COL4A2: variants seen among roughly 807,000 people sequenced by gnomAD.
The protein encoded by COL4A2 is collagen type IV alpha 2 chain.
Under a neutral mutation model 200.2 loss-of-function variants are expected in COL4A2, and 99 were observed. That is an observed-to-expected ratio of 0.49 (90% confidence interval 0.42 to 0.58). COL4A2 has a LOEUF of 0.58. Ranked by LOEUF, COL4A2 falls within the 20% of genes least tolerant of loss-of-function variation. The probability of loss-of-function intolerance (pLI) is 0.00; values close to 1 mark genes in which losing one functional copy is unlikely to be tolerated. For missense variants in COL4A2, 1,950 were observed against 2,314.1 expected (o/e 0.84, Z 3.23); for synonymous variants, 897 against 900.6 (o/e 1.00, Z 0.07).
chr13:110,419,281 C>A (rs984619582), intron 4 of COL4A2, among the ~76,000 whole-genome samples: 4 of 152,348 alleles, frequency 2.6e-5, no homozygotes, highest in African/African-American at 9.6e-5. Context: ...AAAGCTCATT[C>A]TTATTCTACC....
chr13:110,393,763 C>CT lies in COL4A2; in HGVS notation c.181-30971_181-30970insT, dbSNP rs1215379377. Among the ~76,000 whole-genome samples, 4 of 152,126 alleles carry CT rather than the reference C, an allele frequency of 2.6e-5. No individual in the cohort carries two copies. In the East Asian group the frequency reaches 5.8e-4, roughly 22 times the overall value. Reference sequence around the variant, plus strand: ...GCGTGGTGGCACACACCTATAATCCCGGCTACTCAGGAGGCGGAAGCAAGA... The same window carrying CT: ...GCGTGGTGGCACACACCTATAATCCCTGGCTACTCAGGAGGCGGAAGCAAGA... On this transcript the variant is annotated intron_variant, in intron 4 of 47. Coordinates refer to ENST00000360467, the MANE Select transcript of COL4A2 (RefSeq NM_001846.4).
chr13:110,379,821 T>G (rs956756869), intron 4 of COL4A2, among the ~76,000 whole-genome samples: 3 of 152,266 alleles, frequency 2.0e-5, no homozygotes, highest in East Asian at 3.9e-4. Context: ...TAGGATGGTG[T>G]CTGGGTCCCT....
At chr13:110,369,788 C>G (rs1877923282) in intron 4 of COL4A2, among the ~76,000 whole-genome samples, 1 of 152,170 alleles carries the variant, frequency 6.6e-6, no homozygotes, top group African/African-American at 2.4e-5. Context: ...CACCCCAAAG[C>G]TCCCCATTGC....
intron 22 of COL4A2, 190 bp from the exon 23 acceptor site, chr13:110,461,924 C>A: frequency 1.4e-6 from 1 of 728,008 alleles, no homozygotes; most frequent in Non-Finnish European, 2.2e-6. Flanking sequence ...GCCACTGTGG[C>A]CAGTGGCCCC....
At chr13:110,365,027 A>G (rs1464968231) in intron 4 of COL4A2, among the ~76,000 whole-genome samples, 1 of 152,268 alleles carries the variant, frequency 6.6e-6, no homozygotes, top group African/African-American at 2.4e-5. Flanking sequence ...GATATATACT[A>G]AGTATTTGTT....
At chr13:110,480,582 C>T (rs769864098) in intron 31 of COL4A2, among the ~76,000 whole-genome samples, 192 bp downstream of exon 31, 10 of 152,186 alleles carry the variant, frequency 6.6e-5, no homozygotes, top group Admixed American at 3.3e-4. Context: ...GCTGCTTAGA[C>T]GCGGGTGGGA....
chr13:110,309,742 C>T lies in COL4A2; in HGVS notation c.99+1619C>T, dbSNP rs151173563. ...GCGGCTCACGCCTGTAATCTTAGCA[C>T]TTTGGGAGGCCGCGGCCTGTGGATT... On this transcript the variant is annotated intron_variant, in intron 3 of 47. Coordinates refer to ENST00000360467, the MANE Select transcript of COL4A2 (RefSeq NM_001846.4). Among the ~76,000 whole-genome samples the T allele has an allele frequency of 5.6e-3, 834 of 150,010 alleles. 8 individuals are homozygous for T. The highest frequency in any genetic ancestry group is 0.018 in the African/African-American group (740 of 41,112).
At chr13:110,444,083 C>T (rs1881234669) in intron 16 of COL4A2, among the ~76,000 whole-genome samples, 1 of 152,202 alleles carries the variant, frequency 6.6e-6, no homozygotes, top group Non-Finnish European at 1.5e-5. Flanking sequence ...TGCTTTGGCT[C>T]TTGGGGTTCC....
chr13:110,425,036 T>C (rs763868177), intron 6 of COL4A2, 39 bp downstream of exon 6: 2 of 1,581,810 alleles, frequency 1.3e-6, no homozygotes, highest in Admixed American at 1.8e-5. Flanking sequence ...AAACATTGCG[T>C]GCATCCTAGG....
chr13:110,424,902 G>C lies in COL4A2; in HGVS notation c.315+34G>C, dbSNP rs368648342. 37 of 1,614,084 alleles carry C rather than the reference G, an allele frequency of 2.3e-5. No homozygotes were observed. The African/African-American group carries it at 3.5e-4, about 15-fold the overall frequency. ...CGCTGGTGTATTCCCCTGGCCTCATGAGGGTGGCGGGTATCTCAGCCTTGG... is the reference window on the plus strand; with the variant it reads ...CGCTGGTGTATTCCCCTGGCCTCATCAGGGTGGCGGGTATCTCAGCCTTGG... On this transcript the variant is annotated intron_variant, in intron 5 of 47. Transcript: ENST00000360467.
chr13:110,379,248 T>C (rs975387460), intron 4 of COL4A2, among the ~76,000 whole-genome samples: 7 of 152,126 alleles, frequency 4.6e-5, no homozygotes, highest in African/African-American at 1.7e-4. Context: ...GACAGCCCCG[T>C]GAAGAAGAAT....
chr13:110,498,910 C>T (rs35656731), intron 40 of COL4A2, among the ~76,000 whole-genome samples: 9,104 of 152,302 alleles, frequency 0.06, 388 homozygotes, highest in Middle Eastern at 0.092. Flanking sequence ...GGCATGCTGA[C>T]TTTTGCAAGC....
chr13:110,488,769 C>T (rs1883190408), intron 34 of COL4A2, among the ~76,000 whole-genome samples: 2 of 152,168 alleles, frequency 1.3e-5, no homozygotes, highest in South Asian at 2.1e-4. Flanking sequence ...GCTCTTGAGA[C>T]GGGGTCCACC....
At chr13:110,417,360 C>G (rs1483221650) in intron 4 of COL4A2, among the ~76,000 whole-genome samples, 1 of 152,138 alleles carries the variant, frequency 6.6e-6, no homozygotes, top group African/African-American at 2.4e-5. Flanking sequence ...ATCACATAAG[C>G]TCATTTGCAG....
intron 4 of COL4A2, among the ~76,000 whole-genome samples, chr13:110,418,217 A>G (rs932521097): frequency 5.3e-5 from 8 of 152,160 alleles, no homozygotes; most frequent in African/African-American, 1.9e-4. Flanking sequence ...TTGCAGTTGG[A>G]TTGTTCATAT....
rs547138214 is a variant in COL4A2 at position 110,328,033 on chromosome 13, T to G, written c.99+19910T>G. Among the ~76,000 whole-genome samples, 17 of 152,312 alleles carry G rather than the reference T, an allele frequency of 1.1e-4. No homozygotes were observed. The South Asian group carries it at 3.5e-3, about 32-fold the overall frequency. ...AACTCAAAATCATACACCACAAACC[T>G]CATCAACCTAGACTAATCACTCTGA... On this transcript the variant is annotated intron_variant, in intron 3 of 47. Transcript: ENST00000360467.
chr13:110,384,289 A>G (rs1353026233), intron 4 of COL4A2, among the ~76,000 whole-genome samples: 1 of 152,246 alleles, frequency 6.6e-6, no homozygotes, highest in Non-Finnish European at 1.5e-5. Flanking sequence ...TTGATGGTTC[A>G]TCTCTTCTTA....
At chr13:110,485,351 G>A (rs529693817) in intron 33 of COL4A2, among the ~76,000 whole-genome samples, 19 of 152,038 alleles carry the variant, frequency 1.2e-4, no homozygotes, top group African/African-American at 2.4e-4. Context: ...GTGAAACCCC[G>A]TCTCTACTAA....
At chr13:110,483,789 C>T (rs1023990087) in intron 32 of COL4A2, among the ~76,000 whole-genome samples, 3 of 149,006 alleles carry the variant, frequency 2.0e-5, no homozygotes, top group African/African-American at 2.6e-5. Flanking sequence ...TGGCTGCCAG[C>T]GGCTCCAGGG....
Sources: allele counts gnomAD v4.1 joint callset (sites outside exome capture counted in the v4.1 genomes callset), GRCh38; gene constraint gnomAD v4.1.1; transcripts MANE v1.5; gene names NCBI Gene and HGNC (gene_info 2026-07-23, HGNC 2026-07-21).